The following CYRIA variants were observed in gnomAD, a reference collection of about 807,000 sequenced individuals.
The protein encoded by CYRIA is CYFIP related Rac1 interactor A.
In CYRIA, 15 loss-of-function variants were observed where a neutral mutation model predicts 43.9. The ratio of observed to expected loss-of-function variants is 0.34; its 90% CI spans 0.23 to 0.53. The LOEUF (loss-of-function observed/expected upper bound fraction) is 0.53, where lower values mean the gene tolerates loss of function less well. Ranked by LOEUF, CYRIA falls within the 20% of genes least tolerant of loss-of-function variation. The pLI, the probability that CYRIA is intolerant of heterozygous loss-of-function variation, is 0.94. For synonymous variants in CYRIA, 117 were observed against 136.0 expected (o/e 0.86, Z 0.97); for missense variants, 236 against 394.2 (o/e 0.60, Z 3.40).
chr2:16,600,336 A>G (rs1257739382), intron 2 of CYRIA, among the ~76,000 whole-genome samples: 2 of 152,206 alleles, frequency 1.3e-5, no homozygotes, highest in Non-Finnish European at 2.9e-5. Context: ...TAAAAGGAAA[A>G]AGCAATGCCT....
intron 2 of CYRIA, among the ~76,000 whole-genome samples, chr2:16,614,753 C>T (rs949601297): frequency 6.6e-6 from 1 of 152,338 alleles, no homozygotes; most frequent in African/African-American, 2.4e-5. Context: ...AGCGTAGAGA[C>T]ACCCGGTCAC....
Position 16,615,942 on chromosome 2 carries a change from C to G in CYRIA, c.-11+7922G>C, listed in dbSNP as rs144227055. On this transcript the variant is annotated intron_variant, in intron 2 of 11. Coordinates refer to ENST00000381323, the MANE Select transcript of CYRIA (RefSeq NM_030797.4). ...AGGCCCAGGGTTGGCATGGCGACGC[C>G]TGGGACCATCTTCACTCCATTCTTC... is the stretch of plus-strand genomic sequence containing the variant. Among the ~76,000 whole-genome samples, 23 of 152,334 alleles carry G rather than the reference C, an allele frequency of 1.5e-4. No individual in the cohort carries two copies. The East Asian group carries it at 3.9e-3, about 26-fold the overall frequency.
At chr2:16,635,115 A>G (rs1371427233) in intron 1 of CYRIA, among the ~76,000 whole-genome samples, 1 of 152,190 alleles carries the variant, frequency 6.6e-6, no homozygotes, top group Non-Finnish European at 1.5e-5. Context: ...AATAGGGAGG[A>G]GACATTTGAC....
At chr2:16,624,861 G>A (rs77746250) in intron 1 of CYRIA, among the ~76,000 whole-genome samples, 3,360 of 152,294 alleles carry the variant, frequency 0.022, 54 homozygotes, top group Non-Finnish European at 0.034. Flanking sequence ...AAAAATCCCA[G>A]TGAGATACCA....
intron 2 of CYRIA, among the ~76,000 whole-genome samples, chr2:16,601,154 C>T (rs1240587528): frequency 6.6e-6 from 1 of 152,082 alleles, no homozygotes; most frequent in Non-Finnish European, 1.5e-5. Flanking sequence ...ATAGCATGTA[C>T]AGGAAGGGAG....
chr2:16,616,583 G>A (rs183630290), intron 2 of CYRIA, among the ~76,000 whole-genome samples: 24 of 152,298 alleles, frequency 1.6e-4, no homozygotes, highest in African/African-American at 5.5e-4. Context: ...TCTGCCGGGT[G>A]TTCATCCTGA....
chr2:16,618,264 A>G (rs1022946854), intron 2 of CYRIA, among the ~76,000 whole-genome samples: 1 of 151,776 alleles, frequency 6.6e-6, no homozygotes, highest in Admixed American at 6.6e-5. Flanking sequence ...TTCTCTCTTC[A>G]CTCCCTCTTC....
At chr2:16,553,612 C>A (rs755021345) in intron 11 of CYRIA, among the ~76,000 whole-genome samples, 28 of 152,124 alleles carry the variant, frequency 1.8e-4, no homozygotes, top group Non-Finnish European at 3.5e-4. Flanking sequence ...AAGGTGAGGT[C>A]ATTGCCTTCA....
intron 2 of CYRIA, among the ~76,000 whole-genome samples, chr2:16,613,433 G>A (rs531985924): frequency 2.6e-5 from 4 of 152,172 alleles, no homozygotes; most frequent in Non-Finnish European, 4.4e-5. Context: ...CTCATGATCC[G>A]ATAACTACAC....
intron 4 of CYRIA, among the ~76,000 whole-genome samples, chr2:16,564,706 A>C (rs1031326229): frequency 2.0e-5 from 3 of 152,060 alleles, no homozygotes; most frequent in Non-Finnish European, 2.9e-5. Context: ...TGGCATGCGT[A>C]TATGTATGTG....
At chr2:16,585,177 A>G (rs1667684770) in intron 3 of CYRIA, among the ~76,000 whole-genome samples, 1 of 152,092 alleles carries the variant, frequency 6.6e-6, no homozygotes, top group Non-Finnish European at 1.5e-5. Flanking sequence ...CCTCCAGCCC[A>G]TCATCATTTC....
chr2:16,643,219 C>G (rs562639423), intron 1 of CYRIA, among the ~76,000 whole-genome samples: 1 of 152,220 alleles, frequency 6.6e-6, no homozygotes, highest in South Asian at 2.1e-4. Context: ...AGTAGGCATT[C>G]AATAAATATC....
Position 16,607,600 on chromosome 2 carries a change from C to CT in CYRIA, c.-11+16263dup, listed in dbSNP as rs11435489. 5.7e-4 allele frequency among the ~76,000 whole-genome samples: 87 copies of CT among 151,982 alleles called. No homozygotes were observed. The East Asian group carries it at 8.5e-3, about 15-fold the overall frequency. ...CTGCCTCCTTGCTTCTGCCTTTTTT[C>CT]TTTTTTTTAGATGGAGTCTGCTCTG... On this transcript the variant is annotated intron_variant, in intron 2 of 11. Transcript: ENST00000381323.
chr2:16,555,674 C>A (rs1666482341), intron 10 of CYRIA, among the ~76,000 whole-genome samples: 1 of 152,168 alleles, frequency 6.6e-6, no homozygotes, highest in African/African-American at 2.4e-5. Flanking sequence ...ATTCTGACCT[C>A]ACTACCTTCA....
intron 2 of CYRIA, among the ~76,000 whole-genome samples, chr2:16,609,785 A>G (rs1442708806): frequency 6.6e-6 from 1 of 152,136 alleles, no homozygotes; most frequent in Non-Finnish European, 1.5e-5. Flanking sequence ...CTAAAACAAA[A>G]CGTATGCTTC....
At chr2:16,634,149 A>G (rs1444577414) in intron 1 of CYRIA, among the ~76,000 whole-genome samples, 1 of 152,222 alleles carries the variant, frequency 6.6e-6, no homozygotes, top group Non-Finnish European at 1.5e-5. Context: ...CGATCCACTA[A>G]GCAACCAAGT....
chr2:16,641,707 G>A (rs1253616335), intron 1 of CYRIA, among the ~76,000 whole-genome samples: 4 of 152,228 alleles, frequency 2.6e-5, no homozygotes, highest in South Asian at 2.1e-4. Flanking sequence ...ACAAGTGAGC[G>A]TGCCTGCAGG....
At chr2:16,624,127 C>T (rs1669088217) in intron 1 of CYRIA, 108 bp from the exon 2 acceptor site, 1 of 152,224 alleles carries the variant, frequency 6.6e-6, no homozygotes, top group South Asian at 2.1e-4. Flanking sequence ...CACAGATTAT[C>T]AGGCCTGAAG....
chr2:16,600,504 C>T (rs1415252064), intron 2 of CYRIA, among the ~76,000 whole-genome samples: 1 of 152,148 alleles, frequency 6.6e-6, no homozygotes, highest in Non-Finnish European at 1.5e-5. Flanking sequence ...GAAGACATGG[C>T]TTCCGCATTC....
Sources: allele counts gnomAD v4.1 joint callset (sites outside exome capture counted in the v4.1 genomes callset), GRCh38; gene constraint gnomAD v4.1.1; transcripts MANE v1.5; gene names NCBI Gene and HGNC (gene_info 2026-07-23, HGNC 2026-07-21).